Variants in ECT2 observed in about 807,000 individuals in gnomAD.
ECT2 encodes epithelial cell transforming 2.
ECT2 carries 61 observed loss-of-function variants against 116.9 expected under a neutral mutation model. That is an observed-to-expected ratio of 0.52 (90% CI 0.42 to 0.65). The LOEUF (loss-of-function observed/expected upper bound fraction) is 0.65, where lower values mean the gene tolerates loss of function less well. ECT2 is among the 30% of genes least tolerant of loss of function. The pLI is 0.00. For missense variants in ECT2, 937 were observed against 1,078.7 expected, an observed-to-expected ratio of 0.87 and a Z score of 1.84; for synonymous variants, 358 against 346.4, an observed-to-expected ratio of 1.03 and a Z score of -0.37.
intron 8 of ECT2, 27 bp from the exon 9 acceptor site, chr3:172,762,388 GT>G (rs759780684): frequency 1.3e-6 from 2 of 1,583,882 alleles, no homozygotes; most frequent in African/African-American, 1.4e-5. Context: ...AGTTAAACTG[GT>G]TTTGGAAGAG....
intron 18 of ECT2, among the ~76,000 whole-genome samples, chr3:172,797,051 T>TGTGTGTGTGTCA (rs1054019878): frequency 6.6e-6 from 1 of 151,448 alleles, no homozygotes; most frequent in African/African-American, 2.4e-5. Context: ...TGTGTGTGTG[T>TGTGTGTGTGTCA]GTCAGGGTCT....
At chr3:172,768,305 C>A (rs954964667) in intron 12 of ECT2, among the ~76,000 whole-genome samples, 4 of 152,116 alleles carry the variant, frequency 2.6e-5, no homozygotes, top group Non-Finnish European at 4.4e-5. Context: ...TACAAAGATT[C>A]CTATACCTTT....
chr3:172,828,360 CTG>C, the ECT2 span, among the ~76,000 whole-genome samples: 1 of 72,640 alleles, frequency 1.4e-5, no homozygotes, highest in Non-Finnish European at 2.8e-5. Flanking sequence ...GTGGCTGTGT[CTG>C]TGTGTGTGCA....
chr3:172,760,724 T>G (rs1718096087), intron 7 of ECT2, among the ~76,000 whole-genome samples: 1 of 137,390 alleles, frequency 7.3e-6, no homozygotes, highest in Non-Finnish European at 1.6e-5. Flanking sequence ...TTTTTTTTTT[T>G]TTTTTTTTTT....
At chr3:172,816,291 A>C (rs1213552724) in intron 23 of ECT2, among the ~76,000 whole-genome samples, 2 of 152,062 alleles carry the variant, frequency 1.3e-5, no homozygotes, top group Non-Finnish European at 2.9e-5. Context: ...TAATTTTTGT[A>C]TCTCCTATCA....
intron 8 of ECT2, among the ~76,000 whole-genome samples, chr3:172,762,063 A>C (rs896831791): frequency 2.6e-5 from 4 of 152,014 alleles, no homozygotes; most frequent in Non-Finnish European, 5.9e-5. Flanking sequence ...CAAGCGCATG[A>C]TTTCTTGCTG....
chr3:172,828,282 G>T, the ECT2 span, among the ~76,000 whole-genome samples: 2 of 151,642 alleles, frequency 1.3e-5, no homozygotes, highest in Non-Finnish European at 2.9e-5. Flanking sequence ...AAAAATACCA[G>T]TTTTCCCCAA....
chr3:172,755,403 T>C, intron 3 of ECT2, 29 bp downstream of exon 3: 1 of 1,574,246 alleles, frequency 6.4e-7, no homozygotes, highest in Non-Finnish European at 8.6e-7. Flanking sequence ...TAGTTTTTTT[T>C]GTAATGCAAT....
intron 20 of ECT2, among the ~76,000 whole-genome samples, chr3:172,803,780 CTCTGTT>C (rs550744477): frequency 1.8e-4 from 27 of 151,092 alleles, no homozygotes; most frequent in African/African-American, 2.7e-4. Flanking sequence ...CTTTCTCTTT[CTCTGTT>C]TCTGTTTCTG....
chr3:172,775,752 G>A (rs1468658673), intron 14 of ECT2, among the ~76,000 whole-genome samples: 1 of 151,708 alleles, frequency 6.6e-6, no homozygotes, highest in Non-Finnish European at 1.5e-5. Context: ...TCCTGCCTCA[G>A]CCTCCTGAGT....
At chr3:172,816,583 A>T in intron 23 of ECT2, 108 bp from the exon 24 acceptor site, 2 of 833,244 alleles carry the variant, frequency 2.4e-6, no homozygotes, top group Non-Finnish European at 3.5e-6. Flanking sequence ...CCTGCCACAT[A>T]GTACAGTAGA....
intron 21 of ECT2, 59 bp from the exon 22 acceptor site, chr3:172,807,711 T>A (rs1728034955): frequency 2.3e-5 from 35 of 1,540,142 alleles, no homozygotes; most frequent in Non-Finnish European, 3.1e-5. Context: ...TAAACTTGCA[T>A]ACATCTGTCA....
chr3:172,762,756 A>G lies in ECT2; in HGVS notation c.955A>G (p.Lys319Glu), dbSNP rs141974807. 158 of 1,613,218 alleles carry G rather than the reference A, an allele frequency of 9.8e-5. No homozygotes were observed. Among genetic ancestry groups the G allele is most frequent in the Non-Finnish European group, 1.3e-4 (152 of 1,179,700 alleles). ...CCTTGTAGTTGAAGAGAATATAGTA[A>G]AAGATCTTCCCTTTGAACCTTCAAA... is the stretch of plus-strand genomic sequence containing the variant. ...THLVVEENIV[K>E]DLPFEPSKKL... Residue 319 changes from lysine to glutamate, a missense_variant, in exon 10 of 25, where the codon AAA (lysine) becomes GAA (glutamate). Lys to Glu is a moderately conservative substitution (Grantham distance 56, BLOSUM62 1). Coordinates refer to ENST00000392692, the MANE Select transcript of ECT2 (RefSeq NM_001258315.2).
chr3:172,789,586 C>T lies in ECT2; in HGVS notation c.1907+3012C>T, dbSNP rs145197860. On this transcript the variant is annotated intron_variant, in intron 18 of 24. Transcript: ENST00000392692. ...TCATGAATGATTTCTCTGTAGCATG[C>T]GATGCTGTTGGATAGAATTTAACCC... 3.9e-5 allele frequency among the ~76,000 whole-genome samples: 6 copies of T among 152,232 alleles called. No individual in the cohort carries two copies. The East Asian group carries it at 9.6e-4, about 24-fold the overall frequency.
chr3:172,787,012 G>A (rs942873855), intron 18 of ECT2, among the ~76,000 whole-genome samples: 3 of 152,104 alleles, frequency 2.0e-5, no homozygotes, highest in Admixed American at 6.5e-5. Context: ...TTAAATTGGC[G>A]GGATTGGTTG....
intron 23 of ECT2, 83 bp from the exon 24 acceptor site, chr3:172,816,608 A>G (rs1729761721): frequency 8.0e-7 from 1 of 1,247,828 alleles, no homozygotes. Context: ...CTTTTGCCAT[A>G]TATTTGGCTT....
chr3:172,762,892 G>GT lies in ECT2; in HGVS notation c.1006-12dup. 2.5e-6 allele frequency: 4 copies of GT among 1,613,078 alleles called. No homozygotes were observed. The highest frequency in any genetic ancestry group is 2.7e-5 in the African/African-American group (2 of 74,976). On this transcript the variant is annotated splice_polypyrimidine_tract_variant and intron_variant, in intron 10 of 24. Transcript: ENST00000392692. Reference sequence around the variant, plus strand: ...ATAAATGTAAACTGTTTATTAAAATGTTTTTTCTCTCACCTAGTGGTTCTG... The same window carrying GT: ...ATAAATGTAAACTGTTTATTAAAATGTTTTTTTCTCTCACCTAGTGGTTCTG...
chr3:172,779,208 A>G (rs1350906219), intron 14 of ECT2, among the ~76,000 whole-genome samples: 1 of 152,208 alleles, frequency 6.6e-6, no homozygotes, highest in East Asian at 1.9e-4. Context: ...AAGAGCCAGT[A>G]TTTAAACCTC....
At chr3:172,803,584 TA>T (rs1727111548) in intron 20 of ECT2, among the ~76,000 whole-genome samples, 1 of 152,190 alleles carries the variant, frequency 6.6e-6, no homozygotes, top group South Asian at 2.1e-4. Flanking sequence ...TATGTATTTT[TA>T]AACAACAGTA....
Sources: allele counts gnomAD v4.1 joint callset (sites outside exome capture counted in the v4.1 genomes callset), GRCh38; gene constraint gnomAD v4.1.1; transcripts MANE v1.5; gene names NCBI Gene and HGNC (gene_info 2026-07-23, HGNC 2026-07-21).